The following DAB1 variants were observed in gnomAD, a reference collection of about 807,000 sequenced individuals.
The protein encoded by DAB1 is disabled homolog 1.
In DAB1, 15 loss-of-function variants were observed where a neutral mutation model predicts 64.6. The observed-to-expected ratio is 0.23, with a 90% CI of 0.16 to 0.36. The LOEUF is 0.36. DAB1 is among the 10% of genes least tolerant of loss of function. The pLI is 1.00. For synonymous variants in DAB1, 235 were observed against 251.9 expected (o/e 0.93, Z 0.64); for missense variants, 596 against 706.7 (o/e 0.84, Z 1.78).
intron 4 of DAB1, among the ~76,000 whole-genome samples, chr1:57,116,233 G>T (rs1180999599): frequency 1.3e-5 from 2 of 151,686 alleles, no homozygotes; most frequent in African/African-American, 4.9e-5. Context: ...GGAGGCCGAG[G>T]CAGGTGGATC....
At chr1:58,420,129 A>G (rs1644758295) in intron 3 of DAB1, among the ~76,000 whole-genome samples, 1 of 152,230 alleles carries the variant, frequency 6.6e-6, no homozygotes, top group Non-Finnish European at 1.5e-5. Flanking sequence ...ACAGTGGATT[A>G]TATCTAAGAC....
At chr1:57,820,985 G>T (rs768627471) in intron 6 of DAB1, among the ~76,000 whole-genome samples, 8 of 151,898 alleles carry the variant, frequency 5.3e-5, no homozygotes, top group Non-Finnish European at 1.0e-4. Flanking sequence ...CTTTTCCTTC[G>T]CAAACCTCTA....
chr1:57,332,033 G>A (rs972093508), intron 1 of DAB1, among the ~76,000 whole-genome samples: 6 of 152,082 alleles, frequency 3.9e-5, no homozygotes, highest in Admixed American at 2.6e-4. Flanking sequence ...GTGCAATCTC[G>A]ACTCACTACA....
chr1:57,708,257 C>T (rs993150571), intron 6 of DAB1, among the ~76,000 whole-genome samples: 2 of 152,180 alleles, frequency 1.3e-5, no homozygotes, highest in Non-Finnish European at 2.9e-5. Context: ...GAAATGCTGA[C>T]TAGGAGCAAA....
chr1:57,210,227 G>T (rs1569901306), intron 2 of DAB1, among the ~76,000 whole-genome samples: 1 of 152,106 alleles, frequency 6.6e-6, no homozygotes, highest in African/African-American at 2.4e-5. Context: ...ATGGTTTGGG[G>T]ATGTAACATT....
chr1:57,286,255 G>T (rs1672306359), intron 2 of DAB1, among the ~76,000 whole-genome samples: 1 of 152,072 alleles, frequency 6.6e-6, no homozygotes, highest in Non-Finnish European at 1.5e-5. Context: ...ACTCTAAAGG[G>T]CCTTTATGCC....
chr1:58,260,820 A>G (rs1661031436), intron 4 of DAB1, among the ~76,000 whole-genome samples: 1 of 152,142 alleles, frequency 6.6e-6, no homozygotes, highest in African/African-American at 2.4e-5. Context: ...AACCTCTGCC[A>G]TGCTCTACCT....
intron 2 of DAB1, among the ~76,000 whole-genome samples, chr1:58,508,602 A>T (rs919286291): frequency 6.6e-6 from 1 of 152,172 alleles, no homozygotes; most frequent in African/African-American, 2.4e-5. Flanking sequence ...TCCTTGGGGA[A>T]GGAAAAACTT....
At chr1:58,126,412 C>T (rs1374718715) in intron 5 of DAB1, among the ~76,000 whole-genome samples, 2 of 151,944 alleles carry the variant, frequency 1.3e-5, no homozygotes, top group African/African-American at 4.8e-5. Flanking sequence ...CATAGCAGTT[C>T]CATGACTCCT....
At chr1:58,321,577 CA>C (rs1662684389) in intron 4 of DAB1, among the ~76,000 whole-genome samples, 1 of 152,266 alleles carries the variant, frequency 6.6e-6, no homozygotes. Flanking sequence ...GCTTTTCCAA[CA>C]GTCTTACCAA....
chr1:57,705,012 C>T (rs1646950918), intron 6 of DAB1, among the ~76,000 whole-genome samples: 1 of 151,936 alleles, frequency 6.6e-6, no homozygotes, highest in Admixed American at 6.6e-5. Flanking sequence ...AAAATCTGAG[C>T]TTTTAGTGTG....
At chr1:57,620,108 G>T (rs12045520) in intron 7 of DAB1, among the ~76,000 whole-genome samples, 1 of 151,900 alleles carries the variant, frequency 6.6e-6, no homozygotes, top group South Asian at 2.1e-4. Flanking sequence ...GCAGGCTTGC[G>T]GGCTTGTTTT....
At chr1:58,198,858 C>T (rs1440328007) in intron 4 of DAB1, among the ~76,000 whole-genome samples, 1 of 152,094 alleles carries the variant, frequency 6.6e-6, no homozygotes, top group Non-Finnish European at 1.5e-5. Flanking sequence ...ATCTGTAATC[C>T]CAGCACTTTG....
At chr1:57,266,833 T>C (rs1670623664) in intron 2 of DAB1, among the ~76,000 whole-genome samples, 1 of 152,160 alleles carries the variant, frequency 6.6e-6, no homozygotes, top group South Asian at 2.1e-4. Context: ...CTGTCCCCGA[T>C]GCAGGGGTAG....
chr1:57,974,660 C>A (rs1259986160), intron 5 of DAB1, among the ~76,000 whole-genome samples: 1 of 152,076 alleles, frequency 6.6e-6, no homozygotes, highest in Non-Finnish European at 1.5e-5. Context: ...GACTTAAACA[C>A]CTAATCAATG....
chr1:58,314,223 C>T (rs1310598569), intron 4 of DAB1, among the ~76,000 whole-genome samples: 1 of 152,116 alleles, frequency 6.6e-6, no homozygotes, highest in East Asian at 1.9e-4. Flanking sequence ...CATGCCCATA[C>T]AACAGGCCCC....
At chr1:57,844,719 A>C (rs1396196600) in intron 1 of DAB1, among the ~76,000 whole-genome samples, 2 of 152,184 alleles carry the variant, frequency 1.3e-5, no homozygotes, top group African/African-American at 4.8e-5. Flanking sequence ...GGAAGCTCAG[A>C]GAGGTCAAGG....
intron 5 of DAB1, among the ~76,000 whole-genome samples, chr1:58,107,303 C>CAAA (rs960763989): frequency 2.8e-5 from 2 of 70,902 alleles, no homozygotes; most frequent in African/African-American, 4.7e-5. Flanking sequence ...ACTAAAAATA[C>CAAA]AAAAAAAAAA....
intron 7 of DAB1, among the ~76,000 whole-genome samples, chr1:57,444,650 A>C (rs1012892997): frequency 6.6e-6 from 1 of 152,218 alleles, no homozygotes; most frequent in African/African-American, 2.4e-5. Flanking sequence ...CACACACAAG[A>C]AACAGAGAGA....
Sources: allele counts gnomAD v4.1 joint callset (sites outside exome capture counted in the v4.1 genomes callset), GRCh38; gene constraint gnomAD v4.1.1; transcripts MANE v1.5; gene names NCBI Gene and HGNC (gene_info 2026-07-23, HGNC 2026-07-21).